The following BPIFC variants were observed in gnomAD, a reference collection of about 807,000 sequenced individuals.
The protein encoded by BPIFC is BPI fold containing family C, also known as BPI fold-containing family C protein.
Under a neutral mutation model 57.6 loss-of-function variants are expected in BPIFC, and 60 were observed. That is an observed-to-expected ratio of 1.04 (90% CI 0.85 to 1.29). The LOEUF is 1.29. Ranked by LOEUF, BPIFC falls within the 50% of genes most tolerant of loss-of-function variation. The probability of loss-of-function intolerance (pLI) is 0.00; values close to 1 mark genes in which losing one functional copy is unlikely to be tolerated. For synonymous variants in BPIFC, 243 were observed against 224.5 expected (o/e 1.08, Z -0.74); for missense variants, 581 against 600.5 (o/e 0.97, Z 0.34).
chr22:32,457,171 C>G, intron 3 of BPIFC, 92 bp downstream of exon 3: 1 of 1,429,930 alleles, frequency 7.0e-7, no homozygotes, highest in Non-Finnish European at 9.3e-7. Context: ...GTTTCTCAGT[C>G]AGGAGACAGC....
chr22:32,432,280 C>A, intron 12 of BPIFC, 93 bp downstream of exon 12: 2 of 1,368,026 alleles, frequency 1.5e-6, no homozygotes, highest in Non-Finnish European at 2.0e-6. Flanking sequence ...AGCATCCCCA[C>A]CCTCTTCAAA....
chr22:32,448,606 T>C (rs1461159985), intron 4 of BPIFC, among the ~76,000 whole-genome samples: 2 of 152,110 alleles, frequency 1.3e-5, no homozygotes. Flanking sequence ...GTGAGTTGCA[T>C]GTAACCTGCA....
chr22:32,444,901 G>A (rs1477018679), intron 7 of BPIFC, among the ~76,000 whole-genome samples: 4 of 152,276 alleles, frequency 2.6e-5, no homozygotes, highest in East Asian at 3.9e-4. Context: ...CAAGTACTCA[G>A]TTAGTTATTG....
intron 2 of BPIFC, among the ~76,000 whole-genome samples, chr22:32,458,079 G>A (rs1204617288): frequency 6.6e-6 from 1 of 152,054 alleles, no homozygotes; most frequent in Non-Finnish European, 1.5e-5. Context: ...CCCCATTAAA[G>A]CCCTTCAGTG....
chr22:32,434,144 T>A (rs1934323835), intron 10 of BPIFC, among the ~76,000 whole-genome samples: 1 of 149,734 alleles, frequency 6.7e-6, no homozygotes. Context: ...CCTATCTATG[T>A]GTACATATTC....
At chr22:32,436,156 T>C (rs1934387388) in intron 9 of BPIFC, among the ~76,000 whole-genome samples, 2 of 152,052 alleles carry the variant, frequency 1.3e-5, no homozygotes. Flanking sequence ...TAGCCAGGTG[T>C]GGTGGCGCGT....
intron 13 of BPIFC, among the ~76,000 whole-genome samples, chr22:32,420,196 T>A (rs1933804429): frequency 6.6e-6 from 1 of 151,724 alleles, no homozygotes; most frequent in Non-Finnish European, 1.5e-5. Context: ...TGGGCACCTC[T>A]AGTCCCAGCT....
intron 8 of BPIFC, among the ~76,000 whole-genome samples, chr22:32,440,076 T>C (rs1934522368): frequency 6.6e-6 from 1 of 152,154 alleles, no homozygotes; most frequent in African/African-American, 2.4e-5. Context: ...TTGTTTTCCT[T>C]CCCTACATCT....
Position 32,419,381 on chromosome 22 carries a change from G to A in BPIFC, c.1241C>T (p.Ser414Phe). 6.2e-7 allele frequency: 1 copy of A among 1,613,884 alleles called. No individual in the cohort carries two copies. Among genetic ancestry groups the A allele is most frequent in the Non-Finnish European group, 8.5e-7 (1 of 1,179,858 alleles). The change falls in exon 14 of 17, where the codon TCC (serine) becomes TTC (phenylalanine). Residue 414 changes from serine to phenylalanine, a missense_variant. Coordinates refer to ENST00000300399, the MANE Select transcript of BPIFC (RefSeq NM_174932.3). ...LNRFRLALPE[S>F]NRSNIEVLRF... ...TCCTACCTCAATGTTGCTGCGATTG[G>A]ACTCTGGCAAAGCAAGGCGGAATCT...
intron 4 of BPIFC, among the ~76,000 whole-genome samples, chr22:32,448,897 A>G: frequency 6.6e-6 from 1 of 151,880 alleles, no homozygotes; most frequent in East Asian, 1.9e-4. Flanking sequence ...AGATCGCCCC[A>G]CTGCACACCA....
At chr22:32,457,865 A>T (rs1165885187) in intron 2 of BPIFC, among the ~76,000 whole-genome samples, 1 of 152,154 alleles carries the variant, frequency 6.6e-6, no homozygotes, top group African/African-American at 2.4e-5. Flanking sequence ...TGCGTCCATT[A>T]GAACATCTGA....
intron 4 of BPIFC, among the ~76,000 whole-genome samples, chr22:32,448,677 C>T (rs375076720): frequency 4.6e-5 from 7 of 152,050 alleles, no homozygotes; most frequent in African/African-American, 9.7e-5. Flanking sequence ...CGGTGGCTCA[C>T]GCCTGTAATC....
rs370385043 is a variant in BPIFC, at chr22:32,445,312, C to T, written c.594+323G>A. ...CAACACTTTGGGAGGCCAAGGTGCGCGGATCACGAGTTCAGGAGATCAAGA... is the reference window on the plus strand; with the variant it reads ...CAACACTTTGGGAGGCCAAGGTGCGTGGATCACGAGTTCAGGAGATCAAGA... On this transcript the variant is annotated intron_variant, in intron 7 of 16. Coordinates refer to ENST00000300399, the MANE Select transcript of BPIFC (RefSeq NM_174932.3). 1.2e-4 allele frequency among the ~76,000 whole-genome samples: 19 copies of T among 152,174 alleles called. No individual in the cohort carries two copies. The East Asian group carries it at 1.5e-3, about 12-fold the overall frequency.
intron 7 of BPIFC, among the ~76,000 whole-genome samples, chr22:32,445,331 A>T (rs540205657): frequency 6.6e-6 from 1 of 152,234 alleles, no homozygotes; most frequent in African/African-American, 2.4e-5. Flanking sequence ...AGTTCAGGAG[A>T]TCAAGACCAT....
chr22:32,414,490 T>G, intron 16 of BPIFC, 65 bp from the exon 17 acceptor site: 7 of 1,562,934 alleles, frequency 4.5e-6, no homozygotes, highest in Non-Finnish European at 6.1e-6. Context: ...GTCTGAGGCG[T>G]GAGGAAGAGA....
At chr22:32,456,574 T>C (rs1358554031) in intron 3 of BPIFC, among the ~76,000 whole-genome samples, 1 of 152,112 alleles carries the variant, frequency 6.6e-6, no homozygotes, top group Non-Finnish European at 1.5e-5. Context: ...ACTGCTTTAG[T>C]TAAAGAGGAC....
chr22:32,458,100 T>C (rs1367554203), intron 2 of BPIFC, among the ~76,000 whole-genome samples: 1 of 152,160 alleles, frequency 6.6e-6, no homozygotes, highest in Non-Finnish European at 1.5e-5. Context: ...GTTCCCCTTC[T>C]TACTCAGTGT....
intron 13 of BPIFC, among the ~76,000 whole-genome samples, chr22:32,420,336 T>TC (rs1569446794): frequency 1.7e-5 from 1 of 57,836 alleles, no homozygotes. Flanking sequence ...AAAAAAAAAA[T>TC]AGTTTTCAGG....
intron 8 of BPIFC, among the ~76,000 whole-genome samples, chr22:32,441,678 G>C (rs1934568517): frequency 6.6e-6 from 1 of 152,132 alleles, no homozygotes; most frequent in Non-Finnish European, 1.5e-5. Flanking sequence ...GAGAGATAGA[G>C]AACGGAAAGG....
Sources: allele counts gnomAD v4.1 joint callset (sites outside exome capture counted in the v4.1 genomes callset), GRCh38; gene constraint gnomAD v4.1.1; transcripts MANE v1.5; gene names NCBI Gene and HGNC (gene_info 2026-07-23, HGNC 2026-07-21).